The following LAMB3 variants were observed in gnomAD, a reference collection of about 807,000 sequenced individuals.
LAMB3 encodes the protein laminin subunit beta-3.
Under a neutral mutation model 140.3 loss-of-function variants are expected in LAMB3, and 104 were observed. The ratio of observed to expected loss-of-function variants is 0.74; its 90% confidence interval spans 0.63 to 0.87. LAMB3 has a LOEUF of 0.87. LAMB3 is among the 40% of genes least tolerant of loss of function. The pLI, the probability that LAMB3 is intolerant of heterozygous loss-of-function variation, is 0.00. For synonymous variants in LAMB3, 592 were observed against 602.9 expected (o/e 0.98, Z 0.26); for missense variants, 1,531 against 1,575.2 (o/e 0.97, Z 0.47).
chr1:209,617,586 C>A lies in LAMB3; in HGVS notation c.3052G>T (p.Val1018Phe). 1.2e-6 allele frequency: 2 copies of A among 1,613,814 alleles called. No homozygotes were observed. Among genetic ancestry groups the A allele is most frequent in the South Asian group, 1.1e-5 (1 of 91,086 alleles). The change falls in exon 21 of 23, where the codon GTT (valine) becomes TTT (phenylalanine). Residue 1018 changes from valine (V) to phenylalanine (F), a missense_variant and splice_region_variant. Val to Phe is a conservative substitution (Grantham distance 50). Transcript: ENST00000356082. ...LRLIQDRVAEVQQVLRPAEKL... is the reference protein window; with the variant it reads ...LRLIQDRVAEFQQVLRPAEKL... ...TCTGCTGGCCGCAGTACCTGCTGAA[C>A]CTTTGTGGAAAGAGGGAGATCTGGC...
intron 3 of LAMB3, among the ~76,000 whole-genome samples, chr1:209,643,778 G>T (rs1050429832): frequency 1.3e-5 from 2 of 151,810 alleles, no homozygotes; most frequent in Non-Finnish European, 2.9e-5. Flanking sequence ...AGCTACGATC[G>T]GGTCATGGCC....
intron 20 of LAMB3, 25 bp from the exon 21 acceptor site, chr1:209,617,611 C>T (rs754275879): frequency 6.2e-7 from 1 of 1,612,702 alleles, no homozygotes; most frequent in East Asian, 2.2e-5. Flanking sequence ...GGAGATCTGG[C>T]CTTTGTGGTG....
chr1:209,634,799 AGGCCACAGAAGTTTCTCCCAG>A (rs1666836821), intron 5 of LAMB3, among the ~76,000 whole-genome samples, 161 bp from the exon 6 acceptor site: 1 of 152,178 alleles, frequency 6.6e-6, no homozygotes, highest in Admixed American at 6.5e-5. Context: ...GGCATACCAC[AGGCCACAGAAGTTTCTCCCAG>A]GATCTGCCTT....
chr1:209,619,888 G>A lies in LAMB3; in HGVS notation c.2702-1229C>T, dbSNP rs140542567. ...ATGCTTGTTCATTGCTGTGTCCCTC[G>A]GGGCTTGCATGCAGCATAACTGTGG... On this transcript the variant is annotated intron_variant, in intron 18 of 22. Transcript: ENST00000356082. 3.1e-3 allele frequency among the ~76,000 whole-genome samples: 474 copies of A among 152,266 alleles called. 1 individual carries two copies. The highest frequency in any genetic ancestry group is 0.011 in the African/African-American group (440 of 41,546).
Position 209,616,460 on chromosome 1 carries a change from C to A in LAMB3, c.3382+11G>T. On this transcript the variant is annotated intron_variant, in intron 22 of 22. Coordinates refer to ENST00000356082, the MANE Select transcript of LAMB3 (RefSeq NM_000228.3). ...TGCCCAATAGTCCATGCCCCTAAAC[C>A]ATTCCCTCACCTTTCATCCTGTCCA... 6.2e-7 allele frequency: 1 copy of A among 1,613,976 alleles called. No individual in the cohort carries two copies. The highest frequency in any genetic ancestry group is 8.5e-7 in the Non-Finnish European group (1 of 1,179,914).
intron 3 of LAMB3, among the ~76,000 whole-genome samples, chr1:209,646,954 T>C (rs1430771618): frequency 6.6e-6 from 1 of 152,140 alleles, no homozygotes; most frequent in Non-Finnish European, 1.5e-5. Flanking sequence ...GTGCAGTGAG[T>C]TTTCCTAGAA....
Position 209,627,375 on chromosome 1 carries a change from C to A in LAMB3, c.1485+8G>T. The A allele has an allele frequency of 1.9e-6, 3 of 1,609,828 alleles. No individual in the cohort carries two copies. The highest frequency in any genetic ancestry group is 2.5e-6 in the Non-Finnish European group (3 of 1,177,016). On this transcript the variant is annotated splice_region_variant and intron_variant, in intron 12 of 22. Transcript: ENST00000356082. The stretch of plus-strand genomic sequence containing the variant: ...TGAGGGGGCCCCCGGACCACCCTCA[C>A]TTCGTACCTGGTTGCACTGTGGGCT...
chr1:209,626,822 C>T (rs1327208028), intron 13 of LAMB3, 45 bp downstream of exon 13: 2 of 1,481,028 alleles, frequency 1.4e-6, no homozygotes, highest in Non-Finnish European at 9.4e-7. Context: ...CACCCGCGTG[C>T]TCGGCCCCCA....
intron 6 of LAMB3, 103 bp from the exon 7 acceptor site, chr1:209,633,236 C>T (rs767060210): frequency 2.0e-5 from 17 of 847,024 alleles, no homozygotes; most frequent in Non-Finnish European, 3.5e-5. Context: ...ACTTGAAGTC[C>T]TTGTTACCTG....
chr1:209,626,863 G>T lies in LAMB3; in HGVS notation c.1597+4C>A. 1 of 1,610,284 alleles carries T rather than the reference G, an allele frequency of 6.2e-7. No homozygotes were observed. On this transcript the variant is annotated splice_donor_region_variant and intron_variant, in intron 13 of 22. Coordinates refer to ENST00000356082, the MANE Select transcript of LAMB3 (RefSeq NM_000228.3). ...TCAGCGTCCCCCAGGCTTTGAGCAT[G>T]CACCTCGGCATCCTGTGGCCACGTC...
In LAMB3 at chr1:209,615,342, G is replaced by A. The variant is rs2228342; in HGVS notation, c.3448C>T (p.Leu1150=). 7.0e-3 allele frequency: 11,329 copies of A among 1,613,802 alleles called. 603 individuals carry two copies. The African/African-American group carries it at 0.13, about 18-fold the overall frequency. ...IMLRSADLTG[L]EKRVEQIRDH... is the part of the protein sequence containing the mutation. ...CGGATCTGCTCCACACGCTTCTCCAGTCCTGTCAGGTCCGCTGAGCGCAGC... is the reference window on the plus strand; with the variant it reads ...CGGATCTGCTCCACACGCTTCTCCAATCCTGTCAGGTCCGCTGAGCGCAGC... Residue 1150 remains leucine (L), a synonymous_variant, in exon 23 of 23, where the codon CTG becomes TTG. Transcript: ENST00000356082.
rs1666240532 is a variant in LAMB3, at chr1:209,622,581, T to G, written c.2656A>C (p.Arg886=). ...ASRSQMEEDV[R]RTRLLIQQVR... is the part of the protein sequence containing the mutation. Reference sequence around the variant, plus strand: ...TGCTGGATTAGGAGCCGTGTGCGTCTGACATCTTCCTCCATCTGGGAGCGG... The same window carrying G: ...TGCTGGATTAGGAGCCGTGTGCGTCGGACATCTTCCTCCATCTGGGAGCGG... The change falls in exon 18 of 23, where the codon AGA becomes CGA. Residue 886 remains arginine (R), a synonymous_variant. Transcript: ENST00000356082. 2 of 1,614,122 alleles carry G rather than the reference T, an allele frequency of 1.2e-6. No homozygotes were observed. Among genetic ancestry groups the G allele is most frequent in the South Asian group, 2.2e-5 (2 of 91,084 alleles).
In LAMB3 at chr1:209,624,010, G is replaced by A; in HGVS notation, c.1977-10C>T. ...GCCCTGGAGAGTTCGCCTGAGAAGGGAGAGGAGCTTACACTAAAATATAGG... is the reference window on the plus strand; with the variant it reads ...GCCCTGGAGAGTTCGCCTGAGAAGGAAGAGGAGCTTACACTAAAATATAGG... On this transcript the variant is annotated splice_polypyrimidine_tract_variant and intron_variant, in intron 14 of 22. Coordinates refer to ENST00000356082, the MANE Select transcript of LAMB3 (RefSeq NM_000228.3). 6.2e-7 allele frequency: 1 copy of A among 1,610,962 alleles called. No homozygotes were observed. The highest frequency in any genetic ancestry group is 8.5e-7 in the Non-Finnish European group (1 of 1,179,762).
rs1335689248 is a variant in LAMB3, at chr1:209,617,987, TC to T, written c.2970del (p.Thr991GlnfsTer39). On this transcript the variant is annotated frameshift_variant, in exon 20 of 23. Coordinates refer to ENST00000356082, the MANE Select transcript of LAMB3 (RefSeq NM_000228.3). LOFTEE classifies it high-confidence loss of function. Reference sequence around the variant, plus strand: ...TCCTGAGCTTCCTGCAGTGCCACTGTCCCCTGCCGCAGGTTCCCAACCACAT... The same window carrying T: ...TCCTGAGCTTCCTGCAGTGCCACTGTCCCTGCCGCAGGTTCCCAACCACAT... Reference protein sequence around the residue: ...VEDVVGNLRQGTVALQEAQDT... With the variant: ...VEDVVGNLRQXTVALQEAQDT... The T allele has an allele frequency of 6.2e-7, 1 of 1,614,076 alleles. No individual in the cohort carries two copies. The highest frequency in any genetic ancestry group is 1.3e-5 in the African/African-American group (1 of 75,010).
At chr1:209,619,325 T>C (rs964703807) in intron 18 of LAMB3, among the ~76,000 whole-genome samples, 3 of 152,196 alleles carry the variant, frequency 2.0e-5, no homozygotes, top group Non-Finnish European at 2.9e-5. Flanking sequence ...TCCTCTAGAA[T>C]GTAAGCTCTA....
rs374547902 is a variant in LAMB3 at position 209,623,687 on chromosome 1, C to A, written c.2176G>T (p.Ala726Ser). Residue 726 changes from alanine (A) to serine (S), a missense_variant, in exon 16 of 23, where the codon GCC (alanine) becomes TCC (serine). Coordinates refer to ENST00000356082, the MANE Select transcript of LAMB3 (RefSeq NM_000228.3). The surrounding 1 kb of genome is among the most constrained non-coding windows in gnomAD (Gnocchi z 4.2). ...RMLSTAYEQS[A>S]QAAQQVSDSS... ...TCGGAGACCTGCTGAGCAGCCTGGGCTGACTGCTCGTAGGCTGTGCTCAGC... is the reference window on the plus strand; with the variant it reads ...TCGGAGACCTGCTGAGCAGCCTGGGATGACTGCTCGTAGGCTGTGCTCAGC... The A allele has an allele frequency of 5.3e-5, 86 of 1,613,994 alleles. No individual in the cohort carries two copies. Among genetic ancestry groups the A allele is most frequent in the Non-Finnish European group, 6.6e-5 (78 of 1,180,030 alleles).
chr1:209,631,846 G>C (rs1444790946), intron 8 of LAMB3, among the ~76,000 whole-genome samples: 1 of 152,216 alleles, frequency 6.6e-6, no homozygotes, highest in African/African-American at 2.4e-5. Flanking sequence ...AAGAATGCCA[G>C]CTGAGGCTTG....
chr1:209,617,309 C>T, intron 21 of LAMB3, 101 bp downstream of exon 21: 2 of 1,297,448 alleles, frequency 1.5e-6, no homozygotes, highest in South Asian at 2.4e-5. Flanking sequence ...TTATTCTAAG[C>T]ACTTTTGAGT....
At chr1:209,642,760 T>C (rs1322889458) in intron 3 of LAMB3, among the ~76,000 whole-genome samples, 8 of 152,222 alleles carry the variant, frequency 5.3e-5, no homozygotes, top group Non-Finnish European at 8.8e-5. Flanking sequence ...ATTACAGGTG[T>C]GAGCCACTTG....
Sources: gnomAD v4.1 joint callset for allele counts (sites outside exome capture counted in the v4.1 genomes callset) on GRCh38, gnomAD v4.1.1 for gene constraint, Gnocchi (gnomAD v3.1) non-coding constraint, MANE v1.5 for transcripts, NCBI Gene and HGNC (gene_info 2026-07-23, HGNC 2026-07-21) for gene names.